Variants in TRIOBP observed in about 807,000 individuals in gnomAD.
The protein encoded by TRIOBP is TRIO and F-actin-binding protein.
Under a neutral mutation model 238.8 loss-of-function variants are expected in TRIOBP, and 169 were observed. The observed-to-expected ratio is 0.71, with a 90% confidence interval of 0.62 to 0.80. The LOEUF (loss-of-function observed/expected upper bound fraction) is 0.80. Among genes scored for constraint, TRIOBP ranks in the 30% least tolerant of loss-of-function variants. The pLI is 0.00. For synonymous variants in TRIOBP, 1,150 were observed against 1,274.4 expected, an observed-to-expected ratio of 0.90 and a Z score of 2.08; for missense variants, 2,838 against 3,122.6, an observed-to-expected ratio of 0.91 and a Z score of 2.17.
At chr22:37,751,896 G>A in intron 12 of TRIOBP, 68 bp downstream of exon 12, 7 of 1,361,950 alleles carry the variant, frequency 5.1e-6, no homozygotes, top group Non-Finnish European at 7.1e-6. Context: ...GGCAGCCCAG[G>A]AGTGGGGGTG....
At chr22:37,716,056 T>A in intron 6 of TRIOBP, 122 bp downstream of exon 6, 1 of 991,354 alleles carries the variant, frequency 1.0e-6, no homozygotes, top group Non-Finnish European at 1.5e-6. Context: ...TTAATAATAG[T>A]AACAGTTTGC....
At chr22:37,726,533 G>T (rs2145836001) in intron 7 of TRIOBP, 30 bp downstream of exon 7, 2 of 1,442,674 alleles carry the variant, frequency 1.4e-6, no homozygotes, top group Non-Finnish European at 1.8e-6. Context: ...CAGCCAGGTG[G>T]GCTGGGGAGG....
At chr22:37,740,856 C>T (rs1421743241) in intron 10 of TRIOBP, 39 bp from the exon 11 acceptor site, 1 of 1,557,096 alleles carries the variant, frequency 6.4e-7, no homozygotes, top group Non-Finnish European at 8.7e-7. Context: ...CCCATCCTGC[C>T]AAAGGGACCT....
chr22:37,733,495 G>A (rs1924522843), intron 8 of TRIOBP, 83 bp downstream of exon 8: 11 of 1,089,320 alleles, frequency 1.0e-5, no homozygotes, highest in Non-Finnish European at 1.5e-5. Context: ...CAGGCAGGGG[G>A]CTTGGACAGG....
chr22:37,769,005 C>T, intron 19 of TRIOBP, 23 bp from the exon 20 acceptor site: 1 of 1,612,988 alleles, frequency 6.2e-7, no homozygotes, highest in Non-Finnish European at 8.5e-7. Context: ...CCTATGCTCT[C>T]CTCTGCTCCT....
chr22:37,770,776 G>T lies in TRIOBP; in HGVS notation c.6850-874G>T, dbSNP rs941947698. ...CGGCTCACTGCAAGCTCCGCCTCTCGGGTTCATGCCATTCTCCTGCCTCAG... is the reference window on the plus strand; with the variant it reads ...CGGCTCACTGCAAGCTCCGCCTCTCTGGTTCATGCCATTCTCCTGCCTCAG... On this transcript the variant is annotated intron_variant, in intron 21 of 23. Coordinates refer to ENST00000644935, the MANE Select transcript of TRIOBP (RefSeq NM_001039141.3). Among the ~76,000 whole-genome samples the T allele has an allele frequency of 6.7e-5, 10 of 149,536 alleles. No homozygotes were observed. In the South Asian group the frequency reaches 1.9e-3, roughly 29 times the overall value.
intron 9 of TRIOBP, among the ~76,000 whole-genome samples, chr22:37,736,608 G>A (rs1924682765): frequency 6.6e-6 from 1 of 152,106 alleles, no homozygotes; most frequent in Admixed American, 6.5e-5. Context: ...CCACTCCAAA[G>A]TTTGTGCTTT....
intron 11 of TRIOBP, chr22:37,751,550 GCTCT>G (rs1925605855): frequency 1.7e-6 from 1 of 589,928 alleles, no homozygotes; most frequent in Non-Finnish European, 3.1e-6. Flanking sequence ...CAACTTCTTG[GCTCT>G]CTGAGTGCCA....
rs1268178432 is a variant in TRIOBP, at chr22:37,758,146, C to T, written c.6213+8C>T. ...GAGGCACTGGAGAAGGAGGTAGGCACCACGGCTGGCTCTCTAGGAGGCCCC... is the reference window on the plus strand; with the variant it reads ...GAGGCACTGGAGAAGGAGGTAGGCATCACGGCTGGCTCTCTAGGAGGCCCC... On this transcript the variant is annotated splice_region_variant and intron_variant, in intron 16 of 23. Transcript: ENST00000644935. 7 of 1,610,710 alleles carry T rather than the reference C, an allele frequency of 4.3e-6. No homozygotes were observed. The highest frequency in any genetic ancestry group is 1.7e-5 in the Admixed American group (1 of 60,004).
chr22:37,715,573 G>C (rs1923468971), intron 5 of TRIOBP, among the ~76,000 whole-genome samples, 190 bp from the exon 6 acceptor site: 1 of 151,216 alleles, frequency 6.6e-6, no homozygotes, highest in South Asian at 2.1e-4. Context: ...TCGATCTCCT[G>C]ACCTCGTGAT....
chr22:37,701,240 G>A, intron 2 of TRIOBP, 66 bp from the exon 3 acceptor site: 1 of 735,878 alleles, frequency 1.4e-6, no homozygotes, highest in Non-Finnish European at 2.4e-6. Flanking sequence ...TGGGGCAACT[G>A]GGGCTGGGGT....
chr22:37,715,686 C>T, intron 5 of TRIOBP, 77 bp from the exon 6 acceptor site: 1 of 1,518,434 alleles, frequency 6.6e-7, no homozygotes, highest in Non-Finnish European at 9.0e-7. Flanking sequence ...TTCCTTCTGC[C>T]CCTCTCATTT....
chr22:37,700,666 G>A (rs1046265823), intron 2 of TRIOBP, among the ~76,000 whole-genome samples: 36 of 151,840 alleles, frequency 2.4e-4, no homozygotes, highest in African/African-American at 8.4e-4. Context: ...TCCGCCGCCC[G>A]CAATGGGCCC....
intron 9 of TRIOBP, 121 bp from the exon 10 acceptor site, chr22:37,738,521 T>C: frequency 1.1e-6 from 1 of 909,642 alleles, no homozygotes; most frequent in African/African-American, 1.6e-5. Flanking sequence ...ATGGATCTAC[T>C]GATGCTGGAC....
intron 6 of TRIOBP, among the ~76,000 whole-genome samples, chr22:37,721,133 T>C (rs867299001): frequency 1.3e-5 from 2 of 151,746 alleles, no homozygotes; most frequent in Middle Eastern, 6.8e-3. Context: ...CCTCCCAAAG[T>C]GCTGGGATTA....
intron 11 of TRIOBP, among the ~76,000 whole-genome samples, chr22:37,750,007 G>C (rs1925498044): frequency 6.6e-6 from 1 of 152,132 alleles, no homozygotes; most frequent in South Asian, 2.1e-4. Context: ...ACTGTGTCAT[G>C]GCGTGCCTGA....
rs991631391 is a variant in TRIOBP at position 37,768,152 on chromosome 22, C to T, written c.6551C>T (p.Pro2184Leu). Residue 2184 changes from proline to leucine, a missense_variant, in exon 19 of 24, where the codon CCG (proline) becomes CTG (leucine). Coordinates refer to ENST00000644935, the MANE Select transcript of TRIOBP (RefSeq NM_001039141.3). ...AAAACACGGAGTCTCCAGCAGGGCCCGGATGGCCTCCGGAAGCAGCACCAG... is the reference window on the plus strand; with the variant it reads ...AAAACACGGAGTCTCCAGCAGGGCCTGGATGGCCTCCGGAAGCAGCACCAG... The part of the protein sequence containing the change: ...LSKTRSLQQG[P>L]DGLRKQHQSD... 4 of 1,613,152 alleles carry T rather than the reference C, an allele frequency of 2.5e-6. No homozygotes were observed. The highest frequency in any genetic ancestry group is 2.2e-5 in the East Asian group (1 of 44,864).
At chr22:37,750,241 C>T (rs1365474963) in intron 11 of TRIOBP, among the ~76,000 whole-genome samples, 1 of 152,246 alleles carries the variant, frequency 6.6e-6, no homozygotes, top group Admixed American at 6.5e-5. Flanking sequence ...TCATTCCTGC[C>T]CCAATCTCCC....
At position 37,723,624 on chromosome 22, in the gene TRIOBP, C is replaced by G. The variant is rs1468258712; in HGVS notation, c.1068C>G (p.Thr356=). The part of the protein sequence containing the change: ...SRSTQLDNPR[T]SSTQQDNPQT... Reference sequence around the variant, plus strand: ...GCACCCAACTGGATAACCCCAGAACCTCTTCTACCCAGCAGGACAACCCCC... The same window carrying G: ...GCACCCAACTGGATAACCCCAGAACGTCTTCTACCCAGCAGGACAACCCCC... Residue 356 remains threonine (T), a synonymous_variant, in exon 7 of 24, where the codon ACC becomes ACG. Transcript: ENST00000644935. 6.2e-7 allele frequency: 1 copy of G among 1,614,128 alleles called. No homozygotes were observed. The highest frequency in any genetic ancestry group is 1.1e-5 in the South Asian group (1 of 91,082).
Sources: gnomAD v4.1 joint callset for allele counts (sites outside exome capture counted in the v4.1 genomes callset) on GRCh38, gnomAD v4.1.1 for gene constraint, MANE v1.5 for transcripts, NCBI Gene and HGNC (gene_info 2026-07-23, HGNC 2026-07-21) for gene names.